MIB2: variants seen among roughly 807,000 people sequenced by gnomAD.
The protein encoded by MIB2 is MIB E3 ubiquitin protein ligase 2, also known as E3 ubiquitin-protein ligase MIB2.
Under a neutral mutation model 96.6 loss-of-function variants are expected in MIB2, and 78 were observed. The ratio of observed to expected loss-of-function variants is 0.81; its 90% CI spans 0.67 to 0.97. The LOEUF (loss-of-function observed/expected upper bound fraction) is 0.97. Ranked by LOEUF, MIB2 falls within the 50% of genes least tolerant of loss-of-function variation. The probability of loss-of-function intolerance (pLI) is 0.00; values close to 1 mark genes in which losing one functional copy is unlikely to be tolerated. For missense variants in MIB2, 1,543 were observed against 1,424.0 expected (o/e 1.08, Z -1.35); for synonymous variants, 820 against 629.5 (o/e 1.30, Z -4.53).
chr1:1,624,781 G>A lies in MIB2; in HGVS notation c.420-14G>A. ...GTTTTCTTCTGAGAGCTTTATTTGT[G>A]AACCCTCTTGCAGTGTCACACTGAG... On this transcript the variant is annotated splice_polypyrimidine_tract_variant and intron_variant, in intron 4 of 19. Transcript: ENST00000355826. The A allele has an allele frequency of 6.2e-7, 1 of 1,609,504 alleles. No individual in the cohort carries two copies. Among genetic ancestry groups the A allele is most frequent in the Non-Finnish European group, 8.5e-7 (1 of 1,177,778 alleles).
rs763547996 is a variant in MIB2, at chr1:1,623,797, T to C, written c.271T>C (p.Cys91Arg). 1 of 1,607,006 alleles carries C rather than the reference T, an allele frequency of 6.2e-7. No homozygotes were observed. Among genetic ancestry groups the C allele is most frequent in the Admixed American group, 1.7e-5 (1 of 59,532 alleles). Residue 91 changes from cysteine (C) to arginine (R), a missense_variant, in exon 4 of 20, where the codon TGT becomes CGT. Coordinates refer to ENST00000355826, the MANE Select transcript of MIB2 (RefSeq NM_001170687.4). ...QIGVRHPNII[C>R]DCCKKHGLRG... ...AGGCGTCCGGCACCCCAACATCATC[T>C]GTGACTGCTGCAAGAAGCACGGGCT...
At chr1:1,624,014 C>T (rs546595349) in intron 4 of MIB2, 69 bp downstream of exon 4, 41 of 1,512,218 alleles carry the variant, frequency 2.7e-5, no homozygotes, top group African/African-American at 2.6e-4. Flanking sequence ...CCTTGGCCTT[C>T]GGGGAGGGTG....
In MIB2 at chr1:1,627,766, G is replaced by A; in HGVS notation, c.1617G>A (p.Val539=). Residue 539 remains valine, a synonymous_variant, in exon 13 of 20, where the codon GTG becomes GTA. Coordinates refer to ENST00000355826, the MANE Select transcript of MIB2 (RefSeq NM_001170687.4). The part of the protein sequence containing the change: ...STQSTALHVA[V]QRGFLEVVRA... ...AGAGCACAGCACTGCACGTGGCCGT[G>A]CAGAGGGGCTTCCTGGAGGTGGTGC... 4.4e-6 allele frequency: 7 copies of A among 1,597,960 alleles called. No homozygotes were observed. Among genetic ancestry groups the A allele is most frequent in the Non-Finnish European group, 5.9e-6 (7 of 1,179,298 alleles).
In MIB2 at chr1:1,627,769, G is replaced by C; in HGVS notation, c.1620G>C (p.Gln540His). 6.3e-7 allele frequency: 1 copy of C among 1,598,192 alleles called. No homozygotes were observed. The highest frequency in any genetic ancestry group is 1.1e-5 in the South Asian group (1 of 90,852). Residue 540 changes from glutamine to histidine, a missense_variant, in exon 13 of 20, where the codon CAG becomes CAC. Physicochemically the swap from Gln to His is conservative, Grantham distance 24 (BLOSUM62 0). Coordinates refer to ENST00000355826, the MANE Select transcript of MIB2 (RefSeq NM_001170687.4). ...GCACAGCACTGCACGTGGCCGTGCA[G>C]AGGGGCTTCCTGGAGGTGGTGCGGG... ...TQSTALHVAV[Q>H]RGFLEVVRAL... is the part of the protein sequence containing the mutation.
Position 1,624,573 on chromosome 1 carries a change from G to A in MIB2, c.420-222G>A, listed in dbSNP as rs553787201. ...GGAAGTCCCTGGAGGAACGTGGTCCGCAGGTTCGCTCCAGGCCCCTGAGCC... is the reference window on the plus strand; with the variant it reads ...GGAAGTCCCTGGAGGAACGTGGTCCACAGGTTCGCTCCAGGCCCCTGAGCC... On this transcript the variant is annotated intron_variant, in intron 4 of 19. Coordinates refer to ENST00000355826, the MANE Select transcript of MIB2 (RefSeq NM_001170687.4). Among the ~76,000 whole-genome samples the A allele has an allele frequency of 1.1e-3, 166 of 152,290 alleles. 1 individual carries two copies. Among genetic ancestry groups the A allele is most frequent in the African/African-American group, 3.6e-3 (149 of 41,572 alleles).
chr1:1,618,731 C>T (rs551357428), intron 2 of MIB2: 1 of 152,494 alleles, frequency 6.6e-6, no homozygotes, highest in East Asian at 1.9e-4. Context: ...ACCCCACAGC[C>T]CCCACCTCTC....
intron 19 of MIB2, 141 bp downstream of exon 19, chr1:1,629,845 GC>G (rs202043004): frequency 7.9e-6 from 7 of 890,322 alleles, no homozygotes; most frequent in African/African-American, 6.5e-5. Context: ...CTCACACCCG[GC>G]CCCCCAGCCC....
At chr1:1,618,596 G>C (rs1292035966) in intron 2 of MIB2, 3 of 152,318 alleles carry the variant, frequency 2.0e-5, no homozygotes, top group African/African-American at 7.2e-5. Context: ...CTCGGGGTCA[G>C]CTTGACCCAG....
At chr1:1,621,616 G>C (rs1180480945) in intron 2 of MIB2, among the ~76,000 whole-genome samples, 1 of 152,356 alleles carries the variant, frequency 6.6e-6, no homozygotes, top group East Asian at 1.9e-4. Flanking sequence ...TGCTGGGTGG[G>C]GGCTCCTCTT....
chr1:1,624,743 G>A, intron 4 of MIB2, 52 bp from the exon 5 acceptor site: 1 of 1,534,802 alleles, frequency 6.5e-7, no homozygotes, highest in Non-Finnish European at 8.9e-7. Flanking sequence ...GCTCAAGATG[G>A]GAAGAGATGG....
intron 1 of MIB2, chr1:1,616,247 C>A: frequency 2.3e-6 from 1 of 434,660 alleles, no homozygotes; most frequent in Non-Finnish European, 3.2e-6. Flanking sequence ...CCTGCGCCGG[C>A]GCCCGTGCGC....
chr1:1,625,007 G>T lies in MIB2; in HGVS notation c.543G>T (p.Pro181=). 6 of 1,612,272 alleles carry T rather than the reference G, an allele frequency of 3.7e-6. No homozygotes were observed. Among genetic ancestry groups the T allele is most frequent in the South Asian group, 1.1e-5 (1 of 91,012 alleles). The change falls in exon 6 of 20, where the codon CCG becomes CCT. Residue 181 remains proline (P), a synonymous_variant. Coordinates refer to ENST00000355826, the MANE Select transcript of MIB2 (RefSeq NM_001170687.4). The surrounding 1 kb of genome is among the most constrained non-coding windows in gnomAD (Gnocchi z 5.0). ...WGSQDGGEGK[P]GRVVDIRGWD... ...TTTCCCCAGGAGGGGAAGGGAAACCGGGCCGTGTGGTGGACATCCGTGGCT... is the reference window on the plus strand; with the variant it reads ...TTTCCCCAGGAGGGGAAGGGAAACCTGGCCGTGTGGTGGACATCCGTGGCT...
intron 19 of MIB2, among the ~76,000 whole-genome samples, chr1:1,630,075 A>C: frequency 1.3e-5 from 1 of 75,674 alleles, no homozygotes; most frequent in Non-Finnish European, 2.5e-5. Flanking sequence ...CCCTGACTCC[A>C]GCCCGCACAC....
chr1:1,627,615 C>T, intron 12 of MIB2, 58 bp from the exon 13 acceptor site: 1 of 1,542,350 alleles, frequency 6.5e-7, no homozygotes, highest in South Asian at 1.2e-5. Flanking sequence ...CGGGGCTGAG[C>T]CTGTGCGTCC....
At position 1,628,542 on chromosome 1, in the gene MIB2, C is replaced by G. The variant is rs760462386; in HGVS notation, c.2022C>G (p.Leu674=). The change falls in exon 16 of 20, where the codon CTC becomes CTG. Residue 674 remains leucine (L), a synonymous_variant. Transcript: ENST00000355826. Reference sequence around the variant, plus strand: ...GGAAGCTGCAGTCCCCGCTGCATCTCGCCGTGCAACAGGCCCACGTGGGGC... The same window carrying G: ...GGAAGCTGCAGTCCCCGCTGCATCTGGCCGTGCAACAGGCCCACGTGGGGC... The part of the protein sequence containing the change: ...RNRKLQSPLH[L]AVQQAHVGLV... 1.0e-5 allele frequency: 16 copies of G among 1,601,384 alleles called. No homozygotes were observed.
intron 19 of MIB2, 96 bp downstream of exon 19, chr1:1,629,800 G>A: frequency 1.6e-6 from 2 of 1,278,764 alleles, no homozygotes; most frequent in East Asian, 2.9e-5. Flanking sequence ...TTCCGCCCAT[G>A]GCCCTTCCCC....
intron 5 of MIB2, 42 bp downstream of exon 5, chr1:1,624,943 C>A: frequency 6.2e-7 from 1 of 1,606,930 alleles, no homozygotes; most frequent in Non-Finnish European, 8.5e-7. Context: ...TGGGCTGTGG[C>A]TGGCTCATGG....
chr1:1,627,245 T>C (rs1644875578), intron 11 of MIB2, 38 bp downstream of exon 11: 1 of 1,612,620 alleles, frequency 6.2e-7, no homozygotes, highest in Non-Finnish European at 8.5e-7. Flanking sequence ...CTGGCCAGTC[T>C]GAGAGTGAGG....
At position 1,626,631 on chromosome 1, in the gene MIB2, GC is replaced by G. The variant is rs1557597896; in HGVS notation, c.973-15del. 2 of 1,530,262 alleles carry G rather than the reference GC, an allele frequency of 1.3e-6. No individual in the cohort carries two copies. Among genetic ancestry groups the G allele is most frequent in the East Asian group, 4.6e-5 (2 of 43,364 alleles). The allele number at this position is 1,530,262 out of a possible 1,614,324, so 94.8% of individuals were successfully genotyped here. A position where few individuals can be genotyped will look rare whatever the true frequency, so the allele number is the denominator to read the frequency against. On this transcript the variant is annotated intron_variant, in intron 8 of 19. Coordinates refer to ENST00000355826, the MANE Select transcript of MIB2 (RefSeq NM_001170687.4). This position sits in a 1 kb window ranked among gnomAD's most constrained non-coding sequence, Gnocchi z 5.3. ...CACACACAGCTGGGGGGCCCCTCAC[GC>G]CCCTCTTTGTCGCTCAGCACCACTC...
Sources: allele counts gnomAD v4.1 joint callset (sites outside exome capture counted in the v4.1 genomes callset), GRCh38; gene constraint gnomAD v4.1.1; non-coding constraint Gnocchi (gnomAD v3.1); transcripts MANE v1.5; gene names NCBI Gene and HGNC (gene_info 2026-07-23, HGNC 2026-07-21).